BLMH: variants seen among roughly 807,000 people sequenced by gnomAD.
The protein encoded by BLMH is BLM hydrolase.
A neutral mutation model predicts 61.6 loss-of-function variants in BLMH; 32 were observed. The observed-to-expected ratio is 0.52, with a 90% CI of 0.39 to 0.70. The LOEUF is 0.70. Ranked by LOEUF, BLMH falls within the 30% of genes least tolerant of loss-of-function variation. The pLI is 0.00. For synonymous variants in BLMH, 183 were observed against 193.8 expected (o/e 0.94, Z 0.46); for missense variants, 460 against 555.5 (o/e 0.83, Z 1.73).
chr17:30,276,628 G>A (rs1004959948), intron 6 of BLMH, among the ~76,000 whole-genome samples: 1 of 152,132 alleles, frequency 6.6e-6, no homozygotes, highest in Non-Finnish European at 1.5e-5. Context: ...CTCAACTCAC[G>A]TCCCTGTTGA....
At chr17:30,288,508 C>T (rs563791216) in intron 3 of BLMH, among the ~76,000 whole-genome samples, 27 of 151,910 alleles carry the variant, frequency 1.8e-4, no homozygotes, top group African/African-American at 6.5e-4. Flanking sequence ...GTGCACCACG[C>T]GTGGCTAATT....
chr17:30,290,862 G>A lies in BLMH; in HGVS notation c.211+449C>T, dbSNP rs145507289. 2.3e-3 allele frequency: 370 copies of A among 160,376 alleles called. 2 individuals carry two copies. Among genetic ancestry groups the A allele is most frequent in the Middle Eastern group, 6.4e-3 (2 of 314 alleles). 9.9% of individuals were successfully genotyped at this position (160,376 alleles called of 1,614,324 possible). A position where few individuals can be genotyped will look rare whatever the true frequency, so the allele number is the denominator to read the frequency against. ...CATTAGCTTCAGTTGTAACCAAGAA[G>A]CATATTTAAAAGTAACATCTGATGA... On this transcript the variant is annotated intron_variant, in intron 2 of 11. Coordinates refer to ENST00000261714, the MANE Select transcript of BLMH (RefSeq NM_000386.4).
chr17:30,272,713 A>G (rs775380825), intron 8 of BLMH, 28 bp downstream of exon 8: 29 of 1,613,898 alleles, frequency 1.8e-5, no homozygotes. Flanking sequence ...TTTAACCCCA[A>G]TGTGCAAAAT....
chr17:30,291,620 G>A (rs1182890517), intron 1 of BLMH, 112 bp from the exon 2 acceptor site: 4 of 1,449,814 alleles, frequency 2.8e-6, no homozygotes, highest in Admixed American at 2.0e-5. Flanking sequence ...GCCCGCTGCA[G>A]CGGGGAAACC....
intron 11 of BLMH, among the ~76,000 whole-genome samples, chr17:30,265,525 A>C (rs1445416009): frequency 3.3e-5 from 5 of 152,170 alleles, no homozygotes; most frequent in Non-Finnish European, 5.9e-5. Flanking sequence ...AGAGTTGCTA[A>C]AATTTCTTTT....
intron 11 of BLMH, among the ~76,000 whole-genome samples, chr17:30,258,372 C>T (rs1304823314): frequency 2.0e-5 from 3 of 152,126 alleles, no homozygotes; most frequent in Non-Finnish European, 2.9e-5. Context: ...CATTAATAAA[C>T]CATTTGCTGA....
At chr17:30,274,924 A>G (rs1349558672) in intron 6 of BLMH, among the ~76,000 whole-genome samples, 1 of 151,986 alleles carries the variant, frequency 6.6e-6, no homozygotes, top group African/African-American at 2.4e-5. Context: ...AGCTTCAGTG[A>G]GCCATGATCG....
At position 30,287,013 on chromosome 17, in the gene BLMH, T is replaced by C. The variant is rs1003571710; in HGVS notation, c.464-111A>G. 13 of 692,194 alleles carry C rather than the reference T, an allele frequency of 1.9e-5. No homozygotes were observed. In the Admixed American group the frequency reaches 2.5e-4, roughly 13 times the overall value. The allele number at this position is 692,194 out of a possible 1,614,324, so 42.9% of individuals were successfully genotyped here. ...TATTTTGCTGGCTTACTTCAGAAAATCTTATACTTCATATTATGAAGCAGG... is the reference window on the plus strand; with the variant it reads ...TATTTTGCTGGCTTACTTCAGAAAACCTTATACTTCATATTATGAAGCAGG... On this transcript the variant is annotated intron_variant, in intron 4 of 11. Transcript: ENST00000261714.
At chr17:30,272,994 T>A (rs1908316608) in intron 7 of BLMH, 95 bp from the exon 8 acceptor site, 5 of 1,377,204 alleles carry the variant, frequency 3.6e-6, no homozygotes, top group South Asian at 2.7e-5. Flanking sequence ...ATCAAGCTCA[T>A]CATCTCTGCC....
intron 2 of BLMH, 105 bp from the exon 3 acceptor site, chr17:30,289,587 G>C: frequency 1.6e-6 from 1 of 621,470 alleles, no homozygotes; most frequent in African/African-American, 1.9e-5. Flanking sequence ...GGACAATTCA[G>C]AAAGAGTAAA....
At chr17:30,274,294 T>C in intron 6 of BLMH, 97 bp from the exon 7 acceptor site, 1 of 1,380,030 alleles carries the variant, frequency 7.2e-7, no homozygotes. Flanking sequence ...CACAAGAAGT[T>C]AGTGGCTAAA....
chr17:30,253,690 A>G (rs943046289), intron 11 of BLMH, among the ~76,000 whole-genome samples: 1 of 152,220 alleles, frequency 6.6e-6, no homozygotes, highest in African/African-American at 2.4e-5. Context: ...AGAAAAGAAA[A>G]CAAAATAAAA....
At chr17:30,276,646 A>G (rs1908432491) in intron 6 of BLMH, among the ~76,000 whole-genome samples, 1 of 152,198 alleles carries the variant, frequency 6.6e-6, no homozygotes, top group Admixed American at 6.5e-5. Flanking sequence ...TGAAGATCCA[A>G]TGTTTCCCTA....
chr17:30,286,700 T>C (rs750079851), intron 5 of BLMH, 114 bp downstream of exon 5: 1 of 661,490 alleles, frequency 1.5e-6, no homozygotes, highest in Admixed American at 3.3e-5. Context: ...ACATTGACAT[T>C]GGTAGTTATC....
At position 30,259,622 on chromosome 17, in the gene BLMH, A is replaced by C. The variant is rs574757623; in HGVS notation, c.1216+7263T>G. On this transcript the variant is annotated intron_variant, in intron 11 of 11. Coordinates refer to ENST00000261714, the MANE Select transcript of BLMH (RefSeq NM_000386.4). ...TCCTATATCTTACAGTCTGAGGAGC[A>C]CACCATGAATGCCACTTCTGTCACA... is the stretch of plus-strand genomic sequence containing the variant. Among the ~76,000 whole-genome samples the C allele has an allele frequency of 3.9e-5, 6 of 152,260 alleles. No homozygotes were observed. The South Asian group carries it at 1.2e-3, about 32-fold the overall frequency.
Position 30,274,084 on chromosome 17 carries a change from A to T in BLMH, c.759T>A (p.Phe253Leu). Residue 253 changes from phenylalanine (F) to leucine (L), a missense_variant, in exon 7 of 12, where the codon TTT (phenylalanine) becomes TTA (leucine). Physicochemically the swap from Phe to Leu is conservative, Grantham distance 22. Around this residue, in one of 5 missense-constraint regions of BLMH, gnomAD observed 310 missense variants for 371.1 expected, o/e 0.84. Transcript: ENST00000261714. ...QKIGPITPLEFYREHVKPLFN... is the reference protein window; with the variant it reads ...QKIGPITPLELYREHVKPLFN... ...AGAGTGGCTTGACATGTTCCCTGTA[A>T]AACTCCAAGGGTGTTATGGGGCCAA... 1 of 1,614,156 alleles carries T rather than the reference A, an allele frequency of 6.2e-7. No individual in the cohort carries two copies. The highest frequency in any genetic ancestry group is 1.1e-5 in the South Asian group (1 of 91,064).
intron 10 of BLMH, among the ~76,000 whole-genome samples, chr17:30,269,304 A>G (rs921663861): frequency 2.0e-5 from 3 of 150,302 alleles, no homozygotes; most frequent in African/African-American, 7.3e-5. Context: ...CAGCCTCCAG[A>G]GTAGCTGCTG....
intron 7 of BLMH, chr17:30,273,153 G>A (rs1908323427): frequency 2.7e-6 from 1 of 366,210 alleles, no homozygotes; most frequent in East Asian, 4.4e-5. Flanking sequence ...AGCAAGAACT[G>A]CTCCAAAAGC....
At chr17:30,257,704 T>A (rs1188058012) in intron 11 of BLMH, among the ~76,000 whole-genome samples, 2 of 152,220 alleles carry the variant, frequency 1.3e-5, no homozygotes, top group Non-Finnish European at 2.9e-5. Context: ...TCACTATCCT[T>A]GTTTTGATTC....
Sources: gnomAD v4.1 joint callset for allele counts (sites outside exome capture counted in the v4.1 genomes callset) on GRCh38, gnomAD v4.1.1 for gene constraint, gnomAD v4.1.1 regional missense constraint, MANE v1.5 for transcripts, NCBI Gene and HGNC (gene_info 2026-07-23, HGNC 2026-07-21) for gene names.